Variants in LOXHD1 observed in about 807,000 individuals in gnomAD.
LOXHD1 encodes the protein lipoxygenase homology domain-containing protein 1.
LOXHD1 carries 205 observed loss-of-function variants against 248.2 expected under a neutral mutation model. The ratio of observed to expected loss-of-function variants is 0.83; its 90% CI spans 0.74 to 0.93. LOXHD1 has a LOEUF of 0.93. Among genes scored for constraint, LOXHD1 ranks in the 40% least tolerant of loss-of-function variants. The pLI is 0.00. For synonymous variants in LOXHD1, 1,113 were observed against 1,162.8 expected (o/e 0.96, Z 0.87); for missense variants, 2,930 against 2,971.6 (o/e 0.99, Z 0.33).
Position 46,508,869 on chromosome 18 carries a change from T to G in LOXHD1, c.5517+829A>C, listed in dbSNP as rs145780560. The stretch of plus-strand genomic sequence containing the variant: ...TCACAGTGGTTCTCATCAAAATGAG[T>G]GCAGCTTGGCCCTATGCCGTGGACG... On this transcript the variant is annotated intron_variant, in intron 35 of 40. Coordinates refer to ENST00000642948, the MANE Select transcript of LOXHD1 (RefSeq NM_001384474.1). 5.7e-3 allele frequency among the ~76,000 whole-genome samples: 865 copies of G among 152,156 alleles called. 12 individuals are homozygous for G. The highest frequency in any genetic ancestry group is 0.02 in the African/African-American group (815 of 41,516).
At chr18:46,497,113 G>T (rs1189944956) in intron 37 of LOXHD1, among the ~76,000 whole-genome samples, 1 of 152,208 alleles carries the variant, frequency 6.6e-6, no homozygotes, top group Non-Finnish European at 1.5e-5. Flanking sequence ...TCTGTTGAAG[G>T]GGTGGAGGGC....
Position 46,592,053 on chromosome 18 carries a change from TG to T in LOXHD1, c.1533del (p.Asn511LysfsTer3). 4 of 1,552,222 alleles carry T rather than the reference TG, an allele frequency of 2.6e-6. No individual in the cohort carries two copies. The highest frequency in any genetic ancestry group is 3.5e-6 in the Non-Finnish European group (4 of 1,147,096). On this transcript the variant is annotated frameshift_variant, in exon 12 of 41. Coordinates refer to ENST00000642948, the MANE Select transcript of LOXHD1 (RefSeq NM_001384474.1). LOFTEE classifies it high-confidence loss of function. ...AAGTTGTACTTGTCTTTGTTCAGAG[TG>T]TTCATCAGGGTCATCTGGAATGAAG... ...GWHLERMTLMNTLNKDKYNFN... is the reference protein window; with the variant it reads ...GWHLERMTLMXTLNKDKYNFN...
intron 16 of LOXHD1, among the ~76,000 whole-genome samples, chr18:46,567,285 C>T (rs1276468701): frequency 6.6e-6 from 1 of 152,220 alleles, no homozygotes; most frequent in African/African-American, 2.4e-5. Flanking sequence ...GTGATGTTAG[C>T]CATGAGTCTG....
At chr18:46,589,226 G>T (rs1280506394) in intron 12 of LOXHD1, among the ~76,000 whole-genome samples, 1 of 152,206 alleles carries the variant, frequency 6.6e-6, no homozygotes, top group Admixed American at 6.5e-5. Flanking sequence ...AGTGTTTCTT[G>T]TGATTAGGTA....
At chr18:46,585,140 C>A (rs1428527748) in intron 12 of LOXHD1, among the ~76,000 whole-genome samples, 1 of 152,160 alleles carries the variant, frequency 6.6e-6, no homozygotes, top group Non-Finnish European at 1.5e-5. Context: ...GGACAGGACA[C>A]TTTCCCCTTA....
Position 46,649,214 on chromosome 18 carries a change from A to G in LOXHD1, c.186T>C (p.Asn62=). Residue 62 remains asparagine (N), a synonymous_variant, in exon 2 of 41, where the codon AAT becomes AAC. Coordinates refer to ENST00000642948, the MANE Select transcript of LOXHD1 (RefSeq NM_001384474.1). ...GDVRGAGTDA[N]VFITLFGENG... ...TCTCTCCAAAAAGCGTGATGAAGAC[A>G]TTGGCATCCGTCCCTGCACCGCGAA... The G allele has an allele frequency of 1.3e-6, 2 of 1,551,810 alleles. No individual in the cohort carries two copies. Among genetic ancestry groups the G allele is most frequent in the Non-Finnish European group, 1.7e-6 (2 of 1,147,020 alleles).
intron 18 of LOXHD1, 88 bp from the exon 19 acceptor site, chr18:46,560,633 A>G: frequency 8.0e-7 from 1 of 1,251,814 alleles, no homozygotes; most frequent in Non-Finnish European, 1.1e-6. Context: ...AGCCAGGCAC[A>G]AGGCCTGTTT....
At chr18:46,622,342 T>C (rs1000319807) in intron 4 of LOXHD1, among the ~76,000 whole-genome samples, 1 of 152,248 alleles carries the variant, frequency 6.6e-6, no homozygotes, top group Non-Finnish European at 1.5e-5. Context: ...CATTGCCATG[T>C]GAATTTCATA....
At chr18:46,544,090 C>A (rs1267979065) in intron 23 of LOXHD1, among the ~76,000 whole-genome samples, 1 of 152,186 alleles carries the variant, frequency 6.6e-6, no homozygotes, top group Admixed American at 6.5e-5. Flanking sequence ...AGTCCCTGTA[C>A]CCCAATAAGT....
At chr18:46,573,552 T>A (rs1036026165) in intron 14 of LOXHD1, among the ~76,000 whole-genome samples, 1 of 152,150 alleles carries the variant, frequency 6.6e-6, no homozygotes, top group Non-Finnish European at 1.5e-5. Flanking sequence ...ATTACCCTAC[T>A]GAGAGGGAGG....
chr18:46,605,464 G>A (rs78309438), intron 6 of LOXHD1, among the ~76,000 whole-genome samples: 5,153 of 151,976 alleles, frequency 0.034, 275 homozygotes, highest in African/African-American at 0.11. Flanking sequence ...CAGTGAGCCG[G>A]GATCGTGCCA....
chr18:46,521,087 C>A lies in LOXHD1; in HGVS notation c.5271+10G>T. The A allele has an allele frequency of 6.4e-7, 1 of 1,550,506 alleles. No individual in the cohort carries two copies. Among genetic ancestry groups the A allele is most frequent in the Non-Finnish European group, 8.7e-7 (1 of 1,146,192 alleles). On this transcript the variant is annotated intron_variant, in intron 33 of 40. Transcript: ENST00000642948. The stretch of plus-strand genomic sequence containing the variant: ...GGCCATGCACTGCACACTCACAGTG[C>A]CCCCCCTACCTTCACCCCAATGTTC...
At chr18:46,520,638 G>A (rs562149699) in intron 33 of LOXHD1, 9 of 246,940 alleles carry the variant, frequency 3.6e-5, no homozygotes, top group Admixed American at 1.0e-4. Flanking sequence ...TGGCTGCACC[G>A]TGAGACTCAG....
At chr18:46,533,892 C>A (rs1419799685) in intron 27 of LOXHD1, 1 of 172,740 alleles carries the variant, frequency 5.8e-6, no homozygotes. Context: ...GGTGATGGAG[C>A]AAGACTCCAT....
rs988567559 is a variant in LOXHD1 at position 46,601,275 on chromosome 18, C to G, written c.1076G>C (p.Ser359Thr). 1.9e-6 allele frequency: 3 copies of G among 1,551,734 alleles called. No homozygotes were observed. Among genetic ancestry groups the G allele is most frequent in the Non-Finnish European group, 2.6e-6 (3 of 1,146,996 alleles). ...IELAVLLSPL[S>T]RVSVGHGNVG... The stretch of plus-strand genomic sequence containing the variant: ...ATTGCCATGCCCGACGGAGACCCGA[C>G]TCAGGGGGCTAAGGAGGACAGCCAG... Residue 359 changes from serine (S) to threonine (T), a missense_variant, in exon 8 of 41, where the codon AGT becomes ACT. Transcript: ENST00000642948.
chr18:46,582,034 A>G (rs1348491125), intron 12 of LOXHD1, among the ~76,000 whole-genome samples: 3 of 152,272 alleles, frequency 2.0e-5, no homozygotes, highest in African/African-American at 7.2e-5. Flanking sequence ...GTCAAGAAAT[A>G]TTAAAGAAAC....
intron 32 of LOXHD1, among the ~76,000 whole-genome samples, chr18:46,521,695 A>C (rs1201179313): frequency 1.3e-5 from 2 of 152,116 alleles, no homozygotes; most frequent in Non-Finnish European, 2.9e-5. Context: ...TTGGAAGATG[A>C]CCCCAAGCCC....
At chr18:46,555,849 G>C (rs1324028600) in intron 21 of LOXHD1, among the ~76,000 whole-genome samples, 1 of 152,074 alleles carries the variant, frequency 6.6e-6, no homozygotes, top group Non-Finnish European at 1.5e-5. Context: ...TCACCTCCCT[G>C]GGGTGTGGAC....
At chr18:46,578,499 T>A (rs2037901755) in intron 13 of LOXHD1, among the ~76,000 whole-genome samples, 1 of 152,204 alleles carries the variant, frequency 6.6e-6, no homozygotes, top group South Asian at 2.1e-4. Context: ...CATCGCTACC[T>A]CCTCTCCTCA....
Sources: gnomAD v4.1 joint callset for allele counts (sites outside exome capture counted in the v4.1 genomes callset) on GRCh38, gnomAD v4.1.1 for gene constraint, MANE v1.5 for transcripts, NCBI Gene and HGNC (gene_info 2026-07-23, HGNC 2026-07-21) for gene names.